The following ZNF33A variants were observed in gnomAD, a reference collection of about 807,000 sequenced individuals.
ZNF33A encodes the protein brain my041 protein.
ZNF33A carries 9 observed loss-of-function variants against 15.9 expected under a neutral mutation model. The ratio of observed to expected loss-of-function variants is 0.57; its 90% confidence interval spans 0.34 to 0.99. The LOEUF (loss-of-function observed/expected upper bound fraction) is 0.99, where lower values mean the gene tolerates loss of function less well. Among genes scored for constraint, ZNF33A ranks in the 50% least tolerant of loss-of-function variants. ZNF33A has a pLI of 0.02. For synonymous variants in ZNF33A, 294 were observed against 324.2 expected, an observed-to-expected ratio of 0.91 and a Z score of 1.00; for missense variants, 843 against 941.6, an observed-to-expected ratio of 0.90 and a Z score of 1.37.
At chr10:38,051,569 G>C (rs969627330) in intron 4 of ZNF33A, among the ~76,000 whole-genome samples, 4 of 151,968 alleles carry the variant, frequency 2.6e-5, no homozygotes, top group Non-Finnish European at 5.9e-5. Context: ...AAGAGGGCCA[G>C]AAAATCTTAT....
chr10:38,012,416 A>G, intron 2 of ZNF33A, 66 bp downstream of exon 2: 1 of 737,642 alleles, frequency 1.4e-6, no homozygotes, highest in South Asian at 1.5e-5. Context: ...AAGAGTCGAT[A>G]TGGTGTTTGT....
intron 4 of ZNF33A, among the ~76,000 whole-genome samples, chr10:38,025,814 C>T (rs2064962723): frequency 6.6e-6 from 1 of 152,172 alleles, no homozygotes; most frequent in Admixed American, 6.6e-5. Flanking sequence ...ATGAAATTTG[C>T]CATTTTAACA....
intron 4 of ZNF33A, among the ~76,000 whole-genome samples, chr10:38,033,739 G>A (rs1490523864): frequency 3.3e-5 from 5 of 150,028 alleles, no homozygotes; most frequent in African/African-American, 7.4e-5. Context: ...TTGAGATGGA[G>A]TCTCGCTCTG....
At chr10:38,040,350 T>A (rs1245728287) in intron 4 of ZNF33A, among the ~76,000 whole-genome samples, 2 of 152,160 alleles carry the variant, frequency 1.3e-5, no homozygotes, top group Non-Finnish European at 2.9e-5. Context: ...TGTTTCCATG[T>A]TTATATTGTG....
Position 38,057,089 on chromosome 10 carries a change from T to C in ZNF33A, c.*529T>C, listed in dbSNP as rs61858885. ...GCTGGTAGATAGAGACTTAGTCAGA[T>C]TTTACTATGGTTTGCATGCACTCTG... On this transcript the variant is annotated 3_prime_UTR_variant, in exon 5 of 5. Transcript: ENST00000432900. 29,001 of 681,146 alleles carry C rather than the reference T, an allele frequency of 0.043. 758 individuals carry two copies. Among genetic ancestry groups the C allele is most frequent in the South Asian group, 0.06 (927 of 15,534 alleles). The allele number at this position is 681,146 out of a possible 1,614,324, so 42.2% of individuals were successfully genotyped here.
At chr10:38,063,354 G>C (rs2066678124), downstream of ZNF33A, among the ~76,000 whole-genome samples, 1 of 152,170 alleles carries the variant, frequency 6.6e-6, no homozygotes, top group African/African-American at 2.4e-5. Context: ...ATTCTCGGAA[G>C]GTACCACTTG....
chr10:38,061,805 A>G (rs2066657796), downstream of ZNF33A, among the ~76,000 whole-genome samples: 1 of 152,098 alleles, frequency 6.6e-6, no homozygotes, highest in Non-Finnish European at 1.5e-5. Context: ...TACTAAAACT[A>G]TAAAAATTAG....
Position 38,056,500 on chromosome 10 carries a change from T to A in ZNF33A, c.2376T>A (p.His792Gln). The change falls in exon 5 of 5, where the codon CAT (histidine) becomes CAA (glutamine). Residue 792 changes from histidine to glutamine, a missense_variant. His to Gln is a conservative substitution (Grantham distance 24, BLOSUM62 0). Coordinates refer to ENST00000432900, the MANE Select transcript of ZNF33A (RefSeq NM_006954.2). ...IRNFQPQVSL[H>Q]NASEYSHCGE... is the part of the protein sequence containing the mutation. ...ATTTCCAGCCACAAGTCAGCCTCCA[T>A]AATGCCTCAGAGTATTCACACTGTG... 2 of 1,611,376 alleles carry A rather than the reference T, an allele frequency of 1.2e-6. No individual in the cohort carries two copies. Among genetic ancestry groups the A allele is most frequent in the Non-Finnish European group, 1.7e-6 (2 of 1,178,638 alleles).
Position 38,059,603 on chromosome 10 carries a change from A to G in ZNF33A, c.*3043A>G, listed in dbSNP as rs1468769754. On this transcript the variant is annotated 3_prime_UTR_variant, in exon 5 of 5. Transcript: ENST00000432900. Reference sequence around the variant, plus strand: ...AATGCTTATTGTTAAGTGAAAACCAATCTGAAAAGGCTTTCTATTTTGTAT... The same window carrying G: ...AATGCTTATTGTTAAGTGAAAACCAGTCTGAAAAGGCTTTCTATTTTGTAT... 2.6e-5 allele frequency: 4 copies of G among 152,206 alleles called. No homozygotes were observed. Among genetic ancestry groups the G allele is most frequent in the Non-Finnish European group, 4.4e-5 (3 of 68,040 alleles). The allele number at this position is 152,206 out of a possible 1,614,324, so 9.4% of individuals were successfully genotyped here.
At chr10:38,035,034 C>G (rs1248514970) in intron 4 of ZNF33A, among the ~76,000 whole-genome samples, 1 of 151,294 alleles carries the variant, frequency 6.6e-6, no homozygotes, top group Non-Finnish European at 1.5e-5. Flanking sequence ...TTCTAGCTTT[C>G]TTCCCTTGCT....
At chr10:38,065,884 T>C (rs908459681), downstream of ZNF33A, among the ~76,000 whole-genome samples, 10 of 152,106 alleles carry the variant, frequency 6.6e-5, no homozygotes, top group African/African-American at 2.4e-4. Flanking sequence ...CTAATTTTTG[T>C]ATTTTTAATA....
At chr10:38,034,828 A>G (rs2065369642) in intron 4 of ZNF33A, among the ~76,000 whole-genome samples, 2 of 152,174 alleles carry the variant, frequency 1.3e-5, no homozygotes, top group Non-Finnish European at 2.9e-5. Context: ...AAATGGTATT[A>G]GAAACCAAGA....
intron 4 of ZNF33A, among the ~76,000 whole-genome samples, chr10:38,022,291 CAG>C (rs751583803): frequency 7.2e-5 from 11 of 151,970 alleles, no homozygotes; most frequent in East Asian, 5.8e-4. Flanking sequence ...TGGAATGAAA[CAG>C]GGAATATCAC....
chr10:38,011,318 C>T (rs1253825106), intron 1 of ZNF33A, among the ~76,000 whole-genome samples: 4 of 152,212 alleles, frequency 2.6e-5, no homozygotes, highest in Admixed American at 6.5e-5. Flanking sequence ...GGCGCGGTGG[C>T]TCTCGCCTGT....
Position 38,054,643 on chromosome 10 carries a change from T to C in ZNF33A, c.519T>C (p.Cys173=). 1 of 1,612,710 alleles carries C rather than the reference T, an allele frequency of 6.2e-7. No homozygotes were observed. The highest frequency in any genetic ancestry group is 8.5e-7 in the Non-Finnish European group (1 of 1,179,692). Reference sequence around the variant, plus strand: ...AAAAGTCTGATGAATTTAATGCCTGTGGGAAATTGTTACTCAATATTAAGC... The same window carrying C: ...AAAAGTCTGATGAATTTAATGCCTGCGGGAAATTGTTACTCAATATTAAGC... The part of the protein sequence containing the change: ...LGKKSDEFNA[C]GKLLLNIKHD... The change falls in exon 5 of 5, where the codon TGT becomes TGC. Residue 173 remains cysteine (C), a synonymous_variant. Coordinates refer to ENST00000432900, the MANE Select transcript of ZNF33A (RefSeq NM_006954.2).
chr10:38,022,461 A>T (rs1352590089), intron 4 of ZNF33A, among the ~76,000 whole-genome samples: 1 of 152,064 alleles, frequency 6.6e-6, no homozygotes, highest in Non-Finnish European at 1.5e-5. Context: ...GTTCGTGACC[A>T]CCCTGGCCAA....
In ZNF33A at chr10:38,021,876, G is replaced by A. The variant is rs539765660; in HGVS notation, c.250+4490G>A. On this transcript the variant is annotated intron_variant, in intron 4 of 4. Transcript: ENST00000432900. Reference sequence around the variant, plus strand: ...CTAATCATTTAGAAATTAAACATCAGACTTCTAAATAAAGTCTGGAGTGAA... The same window carrying A: ...CTAATCATTTAGAAATTAAACATCAAACTTCTAAATAAAGTCTGGAGTGAA... 2.6e-5 allele frequency among the ~76,000 whole-genome samples: 4 copies of A among 152,234 alleles called. No individual in the cohort carries two copies. In the South Asian group the frequency reaches 8.3e-4, roughly 32 times the overall value.
chr10:38,034,516 A>T (rs1370287242), intron 4 of ZNF33A, among the ~76,000 whole-genome samples: 2 of 152,200 alleles, frequency 1.3e-5, no homozygotes, highest in African/African-American at 2.4e-5. Flanking sequence ...TTGTCACATT[A>T]TATCAAGCAT....
Position 38,056,554 on chromosome 10 carries a change from T to C in ZNF33A, c.2430T>C (p.Val810=). 6.4e-7 allele frequency: 1 copy of C among 1,560,344 alleles called. No individual in the cohort carries two copies. Among genetic ancestry groups the C allele is most frequent in the East Asian group, 2.2e-5 (1 of 44,504 alleles). The change falls in exon 5 of 5, where the codon GTT becomes GTC. Residue 810 remains valine, a synonymous_variant. Transcript: ENST00000432900. Reference sequence around the variant, plus strand: ...AAAGCCCTGATGACATCCTGAATGTTCAGTAACTATCCACAAACTCACCTT... The same window carrying C: ...AAAGCCCTGATGACATCCTGAATGTCCAGTAACTATCCACAAACTCACCTT... The part of the protein sequence containing the change: ...CGESPDDILN[V]Q
Sources: allele counts gnomAD v4.1 joint callset (sites outside exome capture counted in the v4.1 genomes callset), GRCh38; gene constraint gnomAD v4.1.1; transcripts MANE v1.5; gene names NCBI Gene and HGNC (gene_info 2026-07-23, HGNC 2026-07-21).